KIF13B: variants seen among roughly 807,000 people sequenced by gnomAD.
The protein encoded by KIF13B is kinesin-like protein KIF13B.
In KIF13B, 127 loss-of-function variants were observed where a neutral mutation model predicts 222.0. That is an observed-to-expected ratio of 0.57 (90% CI 0.50 to 0.66). The LOEUF (loss-of-function observed/expected upper bound fraction) is 0.66. KIF13B is among the 30% of genes least tolerant of loss of function. The pLI, the probability that KIF13B is intolerant of heterozygous loss-of-function variation, is 0.00. For synonymous variants in KIF13B, 976 were observed against 919.0 expected, an observed-to-expected ratio of 1.06 and a Z score of -1.12; for missense variants, 2,173 against 2,379.0, an observed-to-expected ratio of 0.91 and a Z score of 1.80.
chr8:29,167,874 T>C (rs1008063664), intron 10 of KIF13B, among the ~76,000 whole-genome samples: 15 of 152,312 alleles, frequency 9.8e-5, no homozygotes, highest in Admixed American at 3.3e-4. Flanking sequence ...ATCTGCCCTA[T>C]TTTATAGGCA....
At chr8:29,169,759 T>C (rs1812156142) in intron 10 of KIF13B, among the ~76,000 whole-genome samples, 1 of 152,200 alleles carries the variant, frequency 6.6e-6, no homozygotes, top group Non-Finnish European at 1.5e-5. Context: ...AAAAAATTCA[T>C]GAAGAGTCCC....
upstream of KIF13B, chr8:29,263,155 G>C (rs1207169966): frequency 8.6e-6 from 7 of 817,768 alleles, no homozygotes. Context: ...GGCTGGGGGC[G>C]GGGCCGGCGC....
rs768287004 is a variant in KIF13B at position 29,109,932 on chromosome 8, C to A, written c.4069G>T (p.Asp1357Tyr). The A allele has an allele frequency of 5.0e-6, 8 of 1,613,662 alleles. No individual in the cohort carries two copies. The South Asian group carries it at 8.8e-5, about 18-fold the overall frequency. ...GGTTGGCTAACCTGGCGCAGACGATCTAAAGTCAGGAGGTTTTCTACAGCC... is the reference window on the plus strand; with the variant it reads ...GGTTGGCTAACCTGGCGCAGACGATATAAAGTCAGGAGGTTTTCTACAGCC... Reference protein sequence around the residue: ...VLAVENLLTLDRLRQEVAVKE... With the variant: ...VLAVENLLTLYRLRQEVAVKE... Residue 1357 changes from aspartate (D) to tyrosine (Y), a missense_variant, in exon 33 of 40, where the codon GAT (aspartate) becomes TAT (tyrosine). Around this residue, in one of 2 missense-constraint regions of KIF13B, gnomAD observed 1,480 missense variants for 1,722.8 expected, o/e 0.86. Transcript: ENST00000524189.
chr8:29,123,468 C>A lies in KIF13B; in HGVS notation c.3377G>T (p.Arg1126Leu), dbSNP rs778861935. ...CCGCATCTCCAGAAGCTGCGCTTCA[C>A]GGTCAGCATCATCCTCTGTTTTATC... ...KRDKTEDDAD[R>L]EAQLLEMRLT... The change falls in exon 28 of 40, where the codon CGT (arginine) becomes CTT (leucine). Residue 1126 changes from arginine (R) to leucine (L), a missense_variant. Arg to Leu is a moderately radical substitution (Grantham distance 102). This residue lies in a region of KIF13B where 1,480 missense variants were observed against 1,722.8 expected (regional missense o/e 0.86). Coordinates refer to ENST00000524189, the MANE Select transcript of KIF13B (RefSeq NM_015254.4). The A allele has an allele frequency of 6.2e-6, 10 of 1,614,014 alleles. No individual in the cohort carries two copies. Among genetic ancestry groups the A allele is most frequent in the Non-Finnish European group, 8.5e-6 (10 of 1,179,878 alleles).
intron 1 of KIF13B, among the ~76,000 whole-genome samples, chr8:29,251,718 T>C (rs1816291651): frequency 6.6e-6 from 1 of 152,206 alleles, no homozygotes; most frequent in Admixed American, 6.5e-5. Context: ...CAATGTGAAA[T>C]GTACTCAATG....
At position 29,123,368 on chromosome 8, in the gene KIF13B, T is replaced by C. The variant is rs762272101; in HGVS notation, c.3477A>G (p.Glu1159=). Residue 1159 remains glutamate (E), a splice_region_variant and synonymous_variant, in exon 28 of 40, where the codon GAA becomes GAG. Transcript: ENST00000524189. ...AGSGIPGAPA[E]WTPVPGMETH... ...AAGACGCACCACAGGGTTCATACCA[T>C]TCTGCTGGGGCCCCTGGAATACCAC... is the stretch of plus-strand genomic sequence containing the variant. 4 of 1,613,868 alleles carry C rather than the reference T, an allele frequency of 2.5e-6. No individual in the cohort carries two copies. Among genetic ancestry groups the C allele is most frequent in the South Asian group, 1.1e-5 (1 of 91,078 alleles).
In KIF13B at chr8:29,113,549, C is replaced by T; in HGVS notation, c.3844G>A (p.Ala1282Thr). The change falls in exon 32 of 40, where the codon GCA becomes ACA. Residue 1282 changes from alanine (A) to threonine (T), a missense_variant. By Grantham distance (58) the Ala-to-Thr change is moderately conservative. This residue lies in a region of KIF13B where 1,480 missense variants were observed against 1,722.8 expected (regional missense o/e 0.86). Transcript: ENST00000524189. ...GACATCTTTTTTAGGAGACTCTGTG[C>T]AAAACCCTAGAGAAAAACAAAATAG... is the stretch of plus-strand genomic sequence containing the variant. ...CVNVHGRQGF[A>T]QSLLKKMSHR... 3 of 1,574,382 alleles carry T rather than the reference C, an allele frequency of 1.9e-6. 1 individual carries two copies.
intron 10 of KIF13B, among the ~76,000 whole-genome samples, chr8:29,172,268 G>A (rs996470416): frequency 1.3e-5 from 2 of 151,700 alleles, no homozygotes; most frequent in Non-Finnish European, 2.9e-5. Context: ...TTTTTTAGTA[G>A]AGACAAGGTT....
At chr8:29,116,661 C>T (rs1809610448) in intron 31 of KIF13B, among the ~76,000 whole-genome samples, 170 bp downstream of exon 31, 1 of 152,150 alleles carries the variant, frequency 6.6e-6, no homozygotes, top group South Asian at 2.1e-4. Context: ...GCAAGTGACA[C>T]ATCTGAGGCT....
At chr8:29,251,474 A>G (rs1164251833) in intron 1 of KIF13B, among the ~76,000 whole-genome samples, 1 of 152,206 alleles carries the variant, frequency 6.6e-6, no homozygotes, top group Non-Finnish European at 1.5e-5. Flanking sequence ...GACGCATCAT[A>G]TCATGAACCT....
chr8:29,236,321 T>C (rs1815505156), intron 2 of KIF13B, among the ~76,000 whole-genome samples: 2 of 152,102 alleles, frequency 1.3e-5, no homozygotes, highest in Admixed American at 1.3e-4. Context: ...CAAAATAATA[T>C]GGGGAAGAAG....
At chr8:29,105,241 G>A (rs1237384058) in intron 35 of KIF13B, among the ~76,000 whole-genome samples, 1 of 152,062 alleles carries the variant, frequency 6.6e-6, no homozygotes, top group Non-Finnish European at 1.5e-5. Flanking sequence ...AAACTACTGA[G>A]ATTACAAGCA....
intron 2 of KIF13B, among the ~76,000 whole-genome samples, chr8:29,209,983 T>C (rs755214015): frequency 9.2e-5 from 14 of 151,744 alleles, no homozygotes; most frequent in Non-Finnish European, 1.6e-4. Context: ...TTGAGACCAG[T>C]TGGTCAAGGC....
At chr8:29,256,064 G>A (rs1416215332) in intron 1 of KIF13B, among the ~76,000 whole-genome samples, 3 of 152,152 alleles carry the variant, frequency 2.0e-5, no homozygotes, top group Non-Finnish European at 4.4e-5. Flanking sequence ...CATCCACCTG[G>A]CTGCACTTCA....
rs369872935 is a variant in KIF13B, at chr8:29,075,308, C to T, written c.4494G>A (p.Pro1498=). The T allele has an allele frequency of 1.1e-4, 167 of 1,558,882 alleles. 1 individual carries two copies. The African/African-American group carries it at 1.7e-3, about 16-fold the overall frequency. Residue 1498 remains proline, a synonymous_variant, in exon 38 of 40, where the codon CCG becomes CCA. Transcript: ENST00000524189. The part of the protein sequence containing the change: ...VPRIMVQSAS[P]DIRVTRMEEA... ...CCTCCATCCTGGTCACCCTGATGTC[C>T]GGGCTGGCTGACTGCACCATGATGC...
chr8:29,220,319 C>T (rs1180597490), intron 2 of KIF13B, among the ~76,000 whole-genome samples: 5 of 152,118 alleles, frequency 3.3e-5, no homozygotes, highest in South Asian at 2.1e-4. Context: ...TGGTACTCTA[C>T]GGGGCTGTAA....
intron 2 of KIF13B, among the ~76,000 whole-genome samples, chr8:29,217,696 C>T (rs1278952690): frequency 1.3e-5 from 2 of 152,184 alleles, no homozygotes; most frequent in African/African-American, 4.8e-5. Flanking sequence ...ATGCAAATGT[C>T]TTATGTTACT....
At chr8:29,248,825 C>G (rs1286150327) in intron 1 of KIF13B, among the ~76,000 whole-genome samples, 1 of 152,110 alleles carries the variant, frequency 6.6e-6, no homozygotes, top group Non-Finnish European at 1.5e-5. Context: ...TTGAAATATC[C>G]AGAATAGGGA....
intron 33 of KIF13B, 103 bp from the exon 34 acceptor site, chr8:29,109,614 C>A: frequency 1.1e-6 from 1 of 931,468 alleles, no homozygotes. Flanking sequence ...TACAGACATT[C>A]CTAGCTATTT....
Sources: gnomAD v4.1 joint callset for allele counts (sites outside exome capture counted in the v4.1 genomes callset) on GRCh38, gnomAD v4.1.1 for gene constraint, gnomAD v4.1.1 regional missense constraint, MANE v1.5 for transcripts, NCBI Gene and HGNC (gene_info 2026-07-23, HGNC 2026-07-21) for gene names.